The following GMDS variants were observed in gnomAD, a reference collection of about 807,000 sequenced individuals.
The protein encoded by GMDS is GDP-mannose 4,6-dehydratase.
In GMDS, 20 loss-of-function variants were observed where a neutral mutation model predicts 49.9. That is an observed-to-expected ratio of 0.40 (90% CI 0.28 to 0.58). The LOEUF (loss-of-function observed/expected upper bound fraction) is 0.58, where lower values mean the gene tolerates loss of function less well. Ranked by LOEUF, GMDS falls within the 20% of genes least tolerant of loss-of-function variation. The pLI is 0.42. For synonymous variants in GMDS, 177 were observed against 178.6 expected (o/e 0.99, Z 0.07); for missense variants, 362 against 481.4 (o/e 0.75, Z 2.32).
At chr6:1,960,988 A>C (rs779713894) in intron 4 of GMDS, 22 bp from the exon 5 acceptor site, 5 of 1,480,910 alleles carry the variant, frequency 3.4e-6, no homozygotes, top group Non-Finnish European at 4.6e-6. Context: ...AGGCGGAGAC[A>C]GGGCTGCATT....
intron 4 of GMDS, among the ~76,000 whole-genome samples, chr6:1,989,424 G>A (rs191153105): frequency 1.3e-3 from 195 of 152,292 alleles, no homozygotes; most frequent in Admixed American, 2.2e-3. Context: ...TCTGAGGGGA[G>A]AGGGTAACCC....
chr6:1,911,350 T>C (rs536781416), intron 7 of GMDS, among the ~76,000 whole-genome samples: 2 of 152,160 alleles, frequency 1.3e-5, no homozygotes, highest in African/African-American at 4.8e-5. Flanking sequence ...TCTTCTCAAA[T>C]GAAAACTGGC....
At chr6:1,713,609 C>T (rs574630918) in intron 9 of GMDS, among the ~76,000 whole-genome samples, 1 of 152,122 alleles carries the variant, frequency 6.6e-6, no homozygotes, top group East Asian at 1.9e-4. Flanking sequence ...CAATGGGACA[C>T]ACACACACAC....
At chr6:2,221,198 A>AC (rs374863444) in intron 1 of GMDS, among the ~76,000 whole-genome samples, 8 of 152,250 alleles carry the variant, frequency 5.3e-5, no homozygotes, top group African/African-American at 1.7e-4. Context: ...ACAAATAAAC[A>AC]AAAAAACACA....
rs140419329 is a variant in GMDS, at chr6:2,063,072, C to T, written c.345+52699G>A. On this transcript the variant is annotated intron_variant, in intron 4 of 10. Transcript: ENST00000380815. ...AGCCAGAGATACAAATTGTGGCACACAAGCCCAGGACAAGGTTTCTGTTTG... is the reference window on the plus strand; with the variant it reads ...AGCCAGAGATACAAATTGTGGCACATAAGCCCAGGACAAGGTTTCTGTTTG... Among the ~76,000 whole-genome samples, 108 of 152,328 alleles carry T rather than the reference C, an allele frequency of 7.1e-4. 1 individual carries two copies. Among genetic ancestry groups the T allele is most frequent in the African/African-American group, 2.5e-3 (105 of 41,568 alleles).
chr6:1,904,390 G>A (rs1053234546), intron 7 of GMDS, among the ~76,000 whole-genome samples: 2 of 152,148 alleles, frequency 1.3e-5, no homozygotes, highest in African/African-American at 4.8e-5. Flanking sequence ...TCCTTCCTGA[G>A]AGCAAAGGCC....
At chr6:2,084,010 C>G (rs1772865235) in intron 4 of GMDS, among the ~76,000 whole-genome samples, 1 of 152,106 alleles carries the variant, frequency 6.6e-6, no homozygotes, top group Non-Finnish European at 1.5e-5. Flanking sequence ...CAGTTCTGGG[C>G]AGAGAAAACC....
intron 1 of GMDS, among the ~76,000 whole-genome samples, chr6:2,148,553 T>G (rs1303371310): frequency 6.6e-6 from 1 of 152,164 alleles, no homozygotes; most frequent in Non-Finnish European, 1.5e-5. Flanking sequence ...CTCAAGTAGC[T>G]GGGATTACAG....
intron 4 of GMDS, among the ~76,000 whole-genome samples, chr6:1,971,919 C>A (rs2127324252): frequency 6.6e-6 from 1 of 152,336 alleles, no homozygotes; most frequent in Middle Eastern, 3.4e-3. Flanking sequence ...AGGACTCAGC[C>A]ACTGCTCTGG....
At chr6:2,001,602 A>C (rs963712029) in intron 4 of GMDS, among the ~76,000 whole-genome samples, 7 of 152,210 alleles carry the variant, frequency 4.6e-5, no homozygotes, top group African/African-American at 1.7e-4. Flanking sequence ...GAAAAAGAAC[A>C]AAGTTGGAGG....
intron 2 of GMDS, among the ~76,000 whole-genome samples, chr6:2,119,976 T>C (rs1057205012): frequency 3.3e-5 from 5 of 152,242 alleles, no homozygotes; most frequent in Admixed American, 6.5e-5. Context: ...TTATTAATTA[T>C]GATCAAGAAA....
intron 4 of GMDS, among the ~76,000 whole-genome samples, chr6:2,001,315 C>T (rs1380075820): frequency 6.6e-6 from 1 of 152,066 alleles, no homozygotes; most frequent in Non-Finnish European, 1.5e-5. Context: ...TACTCAGTTC[C>T]TTTGCCCACT....
At chr6:1,630,307 G>A (rs934841918) in intron 9 of GMDS, among the ~76,000 whole-genome samples, 6 of 152,214 alleles carry the variant, frequency 3.9e-5, no homozygotes, top group African/African-American at 9.6e-5. Context: ...TCCATGGGAC[G>A]AACCGCATGT....
chr6:2,192,838 A>G (rs559663615), intron 1 of GMDS, among the ~76,000 whole-genome samples: 2 of 152,338 alleles, frequency 1.3e-5, no homozygotes, highest in South Asian at 4.1e-4. Context: ...CCATGAGCTA[A>G]GTGCAGCCTG....
Position 2,144,146 on chromosome 6 carries a change from A to C in GMDS, c.103-19415T>G, listed in dbSNP as rs115167485. Among the ~76,000 whole-genome samples, 865 of 152,328 alleles carry C rather than the reference A, an allele frequency of 5.7e-3. 2 individuals are homozygous for C. Among genetic ancestry groups the C allele is most frequent in the Middle Eastern group, 0.017 (5 of 294 alleles). ...AGGGTCCCATAATTATCCCAATTTT[A>C]AGGATGAGGAAATAAAGAGTCTTGA... On this transcript the variant is annotated intron_variant, in intron 1 of 10. Transcript: ENST00000380815.
chr6:2,000,570 T>G (rs1353086872), intron 4 of GMDS, among the ~76,000 whole-genome samples: 1 of 152,204 alleles, frequency 6.6e-6, no homozygotes, highest in African/African-American at 2.4e-5. Context: ...GCATAATATT[T>G]TTAAGGTTCA....
intron 4 of GMDS, among the ~76,000 whole-genome samples, chr6:2,050,040 G>A (rs1487636548): frequency 6.6e-6 from 1 of 152,090 alleles, no homozygotes; most frequent in Non-Finnish European, 1.5e-5. Context: ...GAGCAAAACT[G>A]AAAGACATAG....
chr6:1,738,009 C>T (rs57849524), intron 8 of GMDS, among the ~76,000 whole-genome samples: 7 of 123,728 alleles, frequency 5.7e-5, no homozygotes, highest in African/African-American at 2.4e-4. Context: ...CACACACAGA[C>T]ACACATACAC....
chr6:2,053,074 G>A (rs1428984078), intron 4 of GMDS, among the ~76,000 whole-genome samples: 1 of 151,946 alleles, frequency 6.6e-6, no homozygotes, highest in Non-Finnish European at 1.5e-5. Flanking sequence ...AGAGATTGCT[G>A]AAGAATATTT....
Sources: allele counts gnomAD v4.1 joint callset (sites outside exome capture counted in the v4.1 genomes callset), GRCh38; gene constraint gnomAD v4.1.1; transcripts MANE v1.5; gene names NCBI Gene and HGNC (gene_info 2026-07-23, HGNC 2026-07-21).